The following POU6F2 variants were observed in gnomAD, a reference collection of about 807,000 sequenced individuals.
POU6F2 encodes the protein POU domain, class 6, transcription factor 2.
In POU6F2, 31 loss-of-function variants were observed where a neutral mutation model predicts 71.3. The observed-to-expected ratio is 0.43, with a 90% CI of 0.33 to 0.59. The LOEUF is 0.59. Among genes scored for constraint, POU6F2 ranks in the 20% least tolerant of loss-of-function variants. The probability of loss-of-function intolerance (pLI) is 0.04; values close to 1 mark genes in which losing one functional copy is unlikely to be tolerated. For synonymous variants in POU6F2, 347 were observed against 355.7 expected (o/e 0.98, Z 0.27); for missense variants, 783 against 856.8 (o/e 0.91, Z 1.07).
chr7:39,168,622 GGAAA>G (rs1164511956), intron 2 of POU6F2, among the ~76,000 whole-genome samples: 3 of 152,200 alleles, frequency 2.0e-5, no homozygotes, highest in African/African-American at 7.2e-5. Context: ...GAAGCCTGCT[GGAAA>G]GAGTCTGGGG....
chr7:39,026,719 G>T (rs930420497), intron 1 of POU6F2, among the ~76,000 whole-genome samples: 2 of 152,100 alleles, frequency 1.3e-5, no homozygotes, highest in Non-Finnish European at 2.9e-5. Context: ...CCTGCACATT[G>T]TGCACATGTA....
chr7:39,082,329 C>G (rs1584533336), intron 1 of POU6F2, among the ~76,000 whole-genome samples: 1 of 152,202 alleles, frequency 6.6e-6, no homozygotes, highest in Non-Finnish European at 1.5e-5. Context: ...GTGGACTAGT[C>G]ACTTTCTTCT....
intron 1 of POU6F2, among the ~76,000 whole-genome samples, chr7:39,022,619 A>G (rs1291508575): frequency 6.6e-6 from 1 of 152,066 alleles, no homozygotes; most frequent in Non-Finnish European, 1.5e-5. Context: ...CATGCAATAT[A>G]TATTCTTTTA....
intron 5 of POU6F2, among the ~76,000 whole-genome samples, chr7:39,353,408 A>T (rs2299136): frequency 0.18 from 27,590 of 152,230 alleles, 3,015 homozygotes; most frequent in East Asian, 0.59. Flanking sequence ...GTACATGTGA[A>T]CGACAAATCC....
intron 5 of POU6F2, among the ~76,000 whole-genome samples, chr7:39,394,713 A>G (rs2190893): frequency 0.38 from 57,310 of 151,808 alleles, 11,299 homozygotes; most frequent in East Asian, 0.71. Flanking sequence ...CATCTGCTCA[A>G]TTGGTCTGTG....
At chr7:39,310,795 C>T (rs1785147740) in intron 4 of POU6F2, among the ~76,000 whole-genome samples, 1 of 152,182 alleles carries the variant, frequency 6.6e-6, no homozygotes, top group South Asian at 2.1e-4. Context: ...GACCCAGCGG[C>T]AGGGTGCTGG....
intron 7 of POU6F2, among the ~76,000 whole-genome samples, chr7:39,440,684 A>G (rs1583605917): frequency 6.6e-6 from 1 of 152,242 alleles, no homozygotes; most frequent in African/African-American, 2.4e-5. Flanking sequence ...ACTTCTGTCA[A>G]TTAGTTCATC....
intron 2 of POU6F2, among the ~76,000 whole-genome samples, chr7:39,114,348 T>C (rs1409334932): frequency 6.6e-6 from 1 of 152,174 alleles, no homozygotes; most frequent in Non-Finnish European, 1.5e-5. Flanking sequence ...AGAGTGAGTA[T>C]TTGACTGTGG....
At chr7:39,101,257 A>G (rs1444831783) in intron 2 of POU6F2, among the ~76,000 whole-genome samples, 5 of 151,856 alleles carry the variant, frequency 3.3e-5, no homozygotes, top group Non-Finnish European at 7.4e-5. Context: ...TATTTTTGGT[A>G]GAGACGGGGT....
intron 4 of POU6F2, among the ~76,000 whole-genome samples, chr7:39,322,625 C>T (rs189327173): frequency 7.9e-5 from 12 of 152,294 alleles, no homozygotes; most frequent in Non-Finnish European, 1.6e-4. Flanking sequence ...ATTCCTATAG[C>T]ACACCTTCAA....
intron 1 of POU6F2, among the ~76,000 whole-genome samples, chr7:39,074,767 C>G (rs1790962584): frequency 6.6e-6 from 1 of 152,072 alleles, no homozygotes; most frequent in Non-Finnish European, 1.5e-5. Context: ...AGCTTCTCCA[C>G]AATAAACTAC....
At chr7:39,015,470 A>G (rs1252401120) in intron 1 of POU6F2, among the ~76,000 whole-genome samples, 1 of 120,092 alleles carries the variant, frequency 8.3e-6, no homozygotes, top group Non-Finnish European at 1.6e-5. Context: ...ATATAGATAT[A>G]TTATATCTAT....
At chr7:39,048,385 C>T (rs1297361873) in intron 1 of POU6F2, among the ~76,000 whole-genome samples, 2 of 151,682 alleles carry the variant, frequency 1.3e-5, no homozygotes, top group Admixed American at 6.6e-5. Flanking sequence ...CAAGTAGGCC[C>T]CAGTGTCTGT....
intron 1 of POU6F2, among the ~76,000 whole-genome samples, chr7:39,026,583 C>T (rs550607960): frequency 1.3e-5 from 2 of 151,980 alleles, no homozygotes; most frequent in African/African-American, 4.8e-5. Context: ...GGGAACAACA[C>T]ACTCTGGGGA....
intron 4 of POU6F2, among the ~76,000 whole-genome samples, chr7:39,303,465 C>A (rs1784991281): frequency 6.6e-6 from 1 of 152,186 alleles, no homozygotes; most frequent in Non-Finnish European, 1.5e-5. Flanking sequence ...TGTTTTAATT[C>A]CTCTACTTGA....
At chr7:39,253,388 C>A (rs1783963196) in intron 4 of POU6F2, among the ~76,000 whole-genome samples, 1 of 152,218 alleles carries the variant, frequency 6.6e-6, no homozygotes, top group Admixed American at 6.5e-5. Context: ...GTTAACAGAG[C>A]CTCTACCCTA....
intron 2 of POU6F2, among the ~76,000 whole-genome samples, chr7:39,106,808 T>A (rs1032253538): frequency 1.4e-4 from 22 of 152,214 alleles, no homozygotes; most frequent in African/African-American, 5.3e-4. Flanking sequence ...TGAACAGTAT[T>A]TGAGACTGTC....
chr7:39,151,004 C>T (rs1792745519), intron 2 of POU6F2, among the ~76,000 whole-genome samples: 1 of 151,758 alleles, frequency 6.6e-6, no homozygotes, highest in African/African-American at 2.4e-5. Context: ...TCTGATAATG[C>T]AATTTATTCT....
rs1209791142 is a variant in POU6F2 at position 39,433,089 on chromosome 7, A to C, written c.1126A>C (p.Ile376Leu). 1 of 1,613,008 alleles carries C rather than the reference A, an allele frequency of 6.2e-7. No homozygotes were observed. The highest frequency in any genetic ancestry group is 1.3e-5 in the African/African-American group (1 of 74,808). ...CCCTCTCTTGCAGATTATCGGGACC[A>C]TTCCACTGATGCCTAATCCAGGGCC... is the stretch of plus-strand genomic sequence containing the variant. ...TNAQGQIIGT[I>L]PLMPNPGPSS... Residue 376 changes from isoleucine to leucine, a missense_variant, in exon 7 of 10, where the codon ATT becomes CTT. This residue lies in a region of POU6F2 where 572 missense variants were observed against 572.9 expected (regional missense o/e 1.00). Coordinates refer to ENST00000518318, the MANE Select transcript of POU6F2 (RefSeq NM_001370959.1).
Sources: allele counts gnomAD v4.1 joint callset (sites outside exome capture counted in the v4.1 genomes callset), GRCh38; gene constraint gnomAD v4.1.1; regional missense constraint gnomAD v4.1.1; transcripts MANE v1.5; gene names NCBI Gene and HGNC (gene_info 2026-07-23, HGNC 2026-07-21).